EEF1AKMT1: variants seen among roughly 807,000 people sequenced by gnomAD.
EEF1AKMT1 encodes N-6 adenine-specific DNA methyltransferase 2 (putative).
A neutral mutation model predicts 21.0 loss-of-function variants in EEF1AKMT1; 18 were observed. The ratio of observed to expected loss-of-function variants is 0.86; its 90% CI spans 0.59 to 1.27. The LOEUF (loss-of-function observed/expected upper bound fraction) is 1.27, where lower values mean the gene tolerates loss of function less well. EEF1AKMT1 is among the 50% of genes most tolerant of loss of function. The probability of loss-of-function intolerance (pLI) is 0.00; values close to 1 mark genes in which losing one functional copy is unlikely to be tolerated. For missense variants in EEF1AKMT1, 246 were observed against 258.6 expected, an observed-to-expected ratio of 0.95 and a Z score of 0.33; for synonymous variants, 109 against 94.8, an observed-to-expected ratio of 1.15 and a Z score of -0.87.
Position 20,732,122 on chromosome 13 carries a change from C to G in EEF1AKMT1, c.228-1G>C, listed in dbSNP as rs376461692. 52 of 1,604,268 alleles carry G rather than the reference C, an allele frequency of 3.2e-5. No individual in the cohort carries two copies. Among genetic ancestry groups the G allele is most frequent in the Non-Finnish European group, 4.3e-5 (50 of 1,175,654 alleles). On this transcript the variant is annotated splice_acceptor_variant, in intron 3 of 4. Transcript: ENST00000382758. LOFTEE classifies it high-confidence loss of function. ...ACTAGGGGCACTCACACATGCGATT[C>G]TAGGAGACAAAATGAACACACCATG...
chr13:20,738,921 G>T (rs532118702), intron 2 of EEF1AKMT1, among the ~76,000 whole-genome samples: 1 of 152,214 alleles, frequency 6.6e-6, no homozygotes, highest in Non-Finnish European at 1.5e-5. Context: ...TGTGTGTCCG[G>T]AATTGGTGGG....
chr13:20,735,658 C>A (rs1595012431), intron 3 of EEF1AKMT1, among the ~76,000 whole-genome samples: 1 of 152,272 alleles, frequency 6.6e-6, no homozygotes, highest in Middle Eastern at 3.4e-3. Context: ...ATGAGGCTCC[C>A]AGTTTTCGAG....
At chr13:20,771,063 G>T (rs2059060484) in intron 1 of EEF1AKMT1, among the ~76,000 whole-genome samples, 1 of 151,768 alleles carries the variant, frequency 6.6e-6, no homozygotes, top group African/African-American at 2.4e-5. Context: ...TAGAGACGGG[G>T]GTCTCGTCAT....
chr13:20,754,741 CA>C (rs56777421), intron 2 of EEF1AKMT1, among the ~76,000 whole-genome samples: 10,251 of 116,116 alleles, frequency 0.088, 328 homozygotes, highest in African/African-American at 0.14. Context: ...ACCAAAAATA[CA>C]AAAAAAAAAA....
At chr13:20,748,718 TTTTTTTGG>T (rs541958978) in intron 2 of EEF1AKMT1, among the ~76,000 whole-genome samples, 4,254 of 97,276 alleles carry the variant, frequency 0.044, 192 homozygotes, top group Admixed American at 0.11. Flanking sequence ...TATAGTTGTT[TTTTTTTGG>T]TTTTTTTTTT....
At chr13:20,739,284 A>G (rs757687715) in intron 2 of EEF1AKMT1, among the ~76,000 whole-genome samples, 8 of 152,192 alleles carry the variant, frequency 5.3e-5, no homozygotes, top group Non-Finnish European at 7.4e-5. Context: ...AGTGAGCAGC[A>G]GTAACATTTA....
chr13:20,762,932 A>AT (rs2059008222), intron 1 of EEF1AKMT1, among the ~76,000 whole-genome samples: 4 of 152,064 alleles, frequency 2.6e-5, no homozygotes, highest in Admixed American at 2.6e-4. Context: ...CGATCATGTG[A>AT]TTTTTCTTTA....
intron 3 of EEF1AKMT1, among the ~76,000 whole-genome samples, chr13:20,737,277 T>C (rs1429860792): frequency 6.6e-6 from 1 of 152,032 alleles, no homozygotes; most frequent in African/African-American, 2.4e-5. Flanking sequence ...GGCAAGAGAA[T>C]TGCTTGAATC....
intron 3 of EEF1AKMT1, among the ~76,000 whole-genome samples, chr13:20,736,733 C>CTTT (rs71087090): frequency 0.05 from 4,354 of 87,018 alleles, 511 homozygotes; most frequent in African/African-American, 0.13. Context: ...AACCATTTGA[C>CTTT]TTTTTTTTTT....
At chr13:20,762,286 G>C (rs370986044) in intron 1 of EEF1AKMT1, among the ~76,000 whole-genome samples, 17 of 150,870 alleles carry the variant, frequency 1.1e-4, no homozygotes, top group African/African-American at 3.9e-4. Flanking sequence ...GGGTTCAAGC[G>C]ATTCTCCCTG....
chr13:20,762,470 T>C (rs2059006166), intron 1 of EEF1AKMT1, among the ~76,000 whole-genome samples: 1 of 152,124 alleles, frequency 6.6e-6, no homozygotes. Context: ...ATTACAGGCA[T>C]GAACCATCGT....
At chr13:20,731,431 C>T (rs1019531679) in intron 4 of EEF1AKMT1, among the ~76,000 whole-genome samples, 7 of 152,188 alleles carry the variant, frequency 4.6e-5, no homozygotes, top group African/African-American at 1.4e-4. Flanking sequence ...ATAACGATCT[C>T]GCCAGTAAGA....
intron 2 of EEF1AKMT1, among the ~76,000 whole-genome samples, chr13:20,751,271 C>A (rs1204715924): frequency 6.6e-6 from 1 of 152,098 alleles, no homozygotes; most frequent in African/African-American, 2.4e-5. Flanking sequence ...AAGTGTGTCC[C>A]TTATGTTTTT....
intron 1 of EEF1AKMT1, among the ~76,000 whole-genome samples, chr13:20,760,123 A>AAAAAAAAAAAG (rs1555327133): frequency 2.4e-5 from 3 of 127,468 alleles, no homozygotes; most frequent in Admixed American, 9.1e-5. Flanking sequence ...AAAAAAAAAA[A>AAAAAAAAAAAG]AAGTCAAAAA....
chr13:20,745,372 T>C (rs1308327513), intron 2 of EEF1AKMT1, among the ~76,000 whole-genome samples: 1 of 152,220 alleles, frequency 6.6e-6, no homozygotes, highest in African/African-American at 2.4e-5. Flanking sequence ...CAGTAGTTTG[T>C]AGTTCTCCTT....
chr13:20,766,957 T>C (rs4505167), intron 1 of EEF1AKMT1, among the ~76,000 whole-genome samples: 37,176 of 152,180 alleles, frequency 0.24, 6,045 homozygotes, highest in East Asian at 0.76. Context: ...CCACACTACA[T>C]TGTTAAATTA....
intron 2 of EEF1AKMT1, among the ~76,000 whole-genome samples, chr13:20,752,048 C>G (rs1249063301): frequency 6.6e-6 from 1 of 152,010 alleles, no homozygotes; most frequent in East Asian, 1.9e-4. Flanking sequence ...TTCCTGGAGT[C>G]TTTAGGTTTC....
At chr13:20,737,482 T>A (rs1849113827) in intron 3 of EEF1AKMT1, among the ~76,000 whole-genome samples, 2 of 152,164 alleles carry the variant, frequency 1.3e-5, no homozygotes, top group African/African-American at 2.4e-5. Context: ...TCTATAACTA[T>A]AAAGATAAGA....
chr13:20,762,195 T>TA (rs1464985331), intron 1 of EEF1AKMT1, among the ~76,000 whole-genome samples: 1 of 131,544 alleles, frequency 7.6e-6, no homozygotes, highest in African/African-American at 3.3e-5. Context: ...TTTTTTTTTT[T>TA]AATTTGAGGC....
Sources: allele counts gnomAD v4.1 joint callset (sites outside exome capture counted in the v4.1 genomes callset), GRCh38; gene constraint gnomAD v4.1.1; transcripts MANE v1.5; gene names NCBI Gene and HGNC (gene_info 2026-07-23, HGNC 2026-07-21).